The following DNAAF6 variants were observed in gnomAD, a reference collection of about 807,000 sequenced individuals.
DNAAF6 encodes the protein PIH1 domain containing 3.
Under a neutral mutation model 13.7 loss-of-function variants are expected in DNAAF6, and 3 were observed. The ratio of observed to expected loss-of-function variants is 0.22; its 90% CI spans 0.10 to 0.56. DNAAF6 has a LOEUF of 0.56. Ranked by LOEUF, DNAAF6 falls within the 20% of genes least tolerant of loss-of-function variation. The pLI is 0.92. For missense variants in DNAAF6, 130 were observed against 151.0 expected (o/e 0.86, Z 0.73); for synonymous variants, 54 against 49.2 (o/e 1.10, Z -0.41).
At chrX:107,235,796 A>G (rs1482799823) in intron 5 of DNAAF6, among the ~76,000 whole-genome samples, 1 of 110,535 alleles carries the variant, frequency 9.0e-6, no homozygotes, top group East Asian at 2.8e-4. Flanking sequence ...GGGGGGAGGT[A>G]TAATTTGTTA....
At position 107,243,178 on chromosome X, in the gene DNAAF6, G is replaced by T; in HGVS notation, c.525G>T (p.Leu175Phe). The T allele has an allele frequency of 8.3e-7, 1 of 1,198,437 alleles. No homozygotes were observed. The highest frequency in any genetic ancestry group is 1.8e-5 in the South Asian group (1 of 54,206). ...LDLRTPQKKLLITLPELVECT... is the reference protein window; with the variant it reads ...LDLRTPQKKLFITLPELVECT... ...TGTTGTTTTTTTTTAGGAAGCTGTT[G>T]ATAACTCTTCCTGAGCTGGTGGAAT... The change falls in exon 7 of 7, where the codon TTG becomes TTT. Residue 175 changes from leucine (L) to phenylalanine (F), a missense_variant. Leu to Phe is a conservative substitution (Grantham distance 22, BLOSUM62 0). Coordinates refer to ENST00000372453, the MANE Select transcript of DNAAF6 (RefSeq NM_173494.2).
chrX:107,237,259 A>G (rs916151633), intron 5 of DNAAF6, among the ~76,000 whole-genome samples: 1 of 112,220 alleles, frequency 8.9e-6, no homozygotes, highest in African/African-American at 3.2e-5. Context: ...TATTTTCCTC[A>G]TAACTTACTG....
chrX:107,233,580 C>T (rs912292262), intron 5 of DNAAF6, among the ~76,000 whole-genome samples: 1 of 110,489 alleles, frequency 9.1e-6, no homozygotes, highest in Non-Finnish European at 1.9e-5. Context: ...GAGATCATGC[C>T]GTATTTTTCT....
At chrX:107,216,930 T>C (rs987799488) in intron 3 of DNAAF6, among the ~76,000 whole-genome samples, 187 bp downstream of exon 3, 3 of 111,484 alleles carry the variant, frequency 2.7e-5, no homozygotes, top group African/African-American at 9.8e-5. Context: ...GATAAGTAGG[T>C]GAGGTAATCC....
chrX:107,208,471 G>A (rs915812293), intron 1 of DNAAF6, among the ~76,000 whole-genome samples: 5 of 110,643 alleles, frequency 4.5e-5, no homozygotes, highest in African/African-American at 1.6e-4. Flanking sequence ...TTTCAAAAAG[G>A]ATTGGGATGG....
chrX:107,233,412 C>T (rs189755024), intron 5 of DNAAF6, among the ~76,000 whole-genome samples: 115 of 111,214 alleles, frequency 1.0e-3, no homozygotes, highest in Non-Finnish European at 1.8e-3. Context: ...AACTATAGTC[C>T]TCATGCTGTA....
At chrX:107,224,707 T>C (rs899538983) in intron 5 of DNAAF6, among the ~76,000 whole-genome samples, 1 of 110,022 alleles carries the variant, frequency 9.1e-6, no homozygotes, top group Non-Finnish European at 1.9e-5. Context: ...TATTTGATAG[T>C]ACAACAGAAG....
In DNAAF6 at chrX:107,218,856, C is replaced by T. The variant is rs747602928; in HGVS notation, c.227-8C>T. ...TGAGCTTCAGCTTTATCTTCCCTTT[C>T]TTCACAGTCATCCCTGAAACCAGCG... is the stretch of plus-strand genomic sequence containing the variant. On this transcript the variant is annotated splice_polypyrimidine_tract_variant and splice_region_variant and intron_variant, in intron 3 of 6. Coordinates refer to ENST00000372453, the MANE Select transcript of DNAAF6 (RefSeq NM_173494.2). 3.4e-6 allele frequency: 4 copies of T among 1,183,598 alleles called. No homozygotes were observed. Among genetic ancestry groups the T allele is most frequent in the Non-Finnish European group, 3.4e-6 (3 of 885,643 alleles).
intron 5 of DNAAF6, among the ~76,000 whole-genome samples, chrX:107,228,140 A>AGAAG (rs1928296879): frequency 8.9e-6 from 1 of 111,770 alleles, no homozygotes; most frequent in Admixed American, 9.6e-5. Flanking sequence ...AGAGGAACTG[A>AGAAG]GAAGGATATT....
chrX:107,220,902 C>CCTTTCTTTCTTTCTTTCTTT (rs200337352), intron 4 of DNAAF6, among the ~76,000 whole-genome samples: 2 of 87,147 alleles, frequency 2.3e-5, no homozygotes, highest in African/African-American at 8.9e-5. Context: ...TTTCTTTCTC[C>CCTTTCTTTCTTTCTTTCTTT]CTTTCTTTCT....
At chrX:107,218,060 G>A (rs894677558) in intron 3 of DNAAF6, among the ~76,000 whole-genome samples, 37 of 112,599 alleles carry the variant, frequency 3.3e-4, no homozygotes, top group African/African-American at 1.2e-3. Context: ...AGAATTGCCA[G>A]AATTGAAAAC....
At chrX:107,238,823 G>A in intron 5 of DNAAF6, 99 bp from the exon 6 acceptor site, 9 of 1,126,471 alleles carry the variant, frequency 8.0e-6, no homozygotes, top group Non-Finnish European at 1.1e-5. Context: ...GCACATAGTT[G>A]ACAATAAATA....
In DNAAF6 at chrX:107,212,690, G is replaced by C. The variant is rs143167222; in HGVS notation, c.-3-183G>C. 0.019 allele frequency among the ~76,000 whole-genome samples: 2,145 copies of C among 111,432 alleles called. 67 individuals are homozygous for C. The highest frequency in any genetic ancestry group is 0.066 in the African/African-American group (2,018 of 30,699). ...CAGGCTGAATGTTTGAGTTTACTTG[G>C]TGCTCCAGGTCTGTGAGTTAGCAAA... On this transcript the variant is annotated intron_variant, in intron 1 of 6. Transcript: ENST00000372453.
At chrX:107,231,303 G>C (rs1325265193) in intron 5 of DNAAF6, among the ~76,000 whole-genome samples, 2 of 111,500 alleles carry the variant, frequency 1.8e-5, no homozygotes, top group African/African-American at 6.5e-5. Context: ...GGAGTAAAAG[G>C]ATGGTTACCA....
chrX:107,237,281 G>T (rs1928534662), intron 5 of DNAAF6, among the ~76,000 whole-genome samples: 1 of 111,417 alleles, frequency 9.0e-6, no homozygotes, highest in South Asian at 3.8e-4. Flanking sequence ...TTTCCCTCTG[G>T]CCATTAGAGC....
chrX:107,220,549 A>G (rs1928100858), intron 4 of DNAAF6, among the ~76,000 whole-genome samples: 2 of 112,271 alleles, frequency 1.8e-5, no homozygotes, highest in Admixed American at 1.9e-4. Flanking sequence ...AAAAATCTTC[A>G]TCTTCTACCT....
chrX:107,235,393 G>A (rs1164799755), intron 5 of DNAAF6, among the ~76,000 whole-genome samples: 1 of 111,420 alleles, frequency 9.0e-6, no homozygotes, highest in Non-Finnish European at 1.9e-5. Flanking sequence ...GGGCTGACCT[G>A]TATAACTAAT....
At chrX:107,209,135 A>G (rs1177626382) in intron 1 of DNAAF6, among the ~76,000 whole-genome samples, 3 of 111,395 alleles carry the variant, frequency 2.7e-5, no homozygotes, top group African/African-American at 9.8e-5. Context: ...GCAGAAAGCA[A>G]TTAGTCAGTA....
intron 5 of DNAAF6, among the ~76,000 whole-genome samples, chrX:107,235,996 T>C (rs886613173): frequency 1.8e-5 from 2 of 110,522 alleles, no homozygotes; most frequent in Non-Finnish European, 3.8e-5. Context: ...TAGCCAGGTG[T>C]GGTGGTGCAC....
Sources: allele counts gnomAD v4.1 joint callset (sites outside exome capture counted in the v4.1 genomes callset), GRCh38; gene constraint gnomAD v4.1.1; transcripts MANE v1.5; gene names NCBI Gene and HGNC (gene_info 2026-07-23, HGNC 2026-07-21).